Variants in PCDHGA3 observed in about 807,000 individuals in gnomAD.
PCDHGA3 encodes protocadherin gamma-A3.
PCDHGA3 carries 40 observed loss-of-function variants against 58.5 expected under a neutral mutation model. The observed-to-expected ratio is 0.68, with a 90% CI of 0.53 to 0.89. The LOEUF is 0.89. PCDHGA3 is among the 40% of genes least tolerant of loss of function. The pLI is 0.00. For missense variants in PCDHGA3, 1,223 were observed against 1,195.9 expected, an observed-to-expected ratio of 1.02 and a Z score of -0.33; for synonymous variants, 530 against 525.7, an observed-to-expected ratio of 1.01 and a Z score of -0.11.
intron 1 of PCDHGA3, among the ~76,000 whole-genome samples, chr5:141,465,779 G>GT (rs879859429): frequency 0.017 from 2,504 of 144,598 alleles, 23 homozygotes; most frequent in Non-Finnish European, 0.024. Flanking sequence ...TCTTGTTACA[G>GT]TTTTTTTTTT....
chr5:141,361,451 C>T (rs1762026624), intron 1 of PCDHGA3: 1 of 1,614,034 alleles, frequency 6.2e-7, no homozygotes, highest in Non-Finnish European at 8.5e-7. Flanking sequence ...ATAATTGTCA[C>T]CCTGCACATC....
intron 1 of PCDHGA3, chr5:141,400,265 G>T (rs2093992954): frequency 6.2e-7 from 1 of 1,613,876 alleles, no homozygotes. Context: ...CGCCTGCGAC[G>T]CTCCTCCAGC....
chr5:141,393,137 C>T (rs777446564), intron 1 of PCDHGA3: 14 of 1,613,286 alleles, frequency 8.7e-6, no homozygotes, highest in South Asian at 2.2e-5. Context: ...ATATTAACAC[C>T]CTGGTTGAGG....
chr5:141,421,991 A>T, intron 1 of PCDHGA3: 1 of 1,608,656 alleles, frequency 6.2e-7, no homozygotes, highest in Non-Finnish European at 8.5e-7. Context: ...GTTCCAGAAA[A>T]CATCAGCTCC....
intron 1 of PCDHGA3, chr5:141,354,992 G>A: frequency 1.5e-6 from 1 of 650,704 alleles, no homozygotes; most frequent in Non-Finnish European, 2.4e-6. Flanking sequence ...TCACCAATCA[G>A]GGGGAAAAGA....
At chr5:141,408,500 A>G in intron 1 of PCDHGA3, 1 of 1,614,018 alleles carries the variant, frequency 6.2e-7, no homozygotes, top group Non-Finnish European at 8.5e-7. Context: ...CAAAGAGAGA[A>G]GAAGATGTGA....
rs1284287216 is a variant in PCDHGA3 at position 141,398,423 on chromosome 5, A to C, written c.2424+51966A>C. On this transcript the variant is annotated intron_variant, in intron 1 of 3. Transcript: ENST00000253812. ...GACAGGGAGGAGATATGCGGGAAGA[A>C]GCCAGCTTGTGCTCTGGAATTTGAG... 2.0e-6 allele frequency: 3 copies of C among 1,514,696 alleles called. No individual in the cohort carries two copies. In the South Asian group the frequency reaches 3.4e-5, roughly 17 times the overall value. The allele number at this position is 1,514,696 out of a possible 1,614,324, so 93.8% of individuals were successfully genotyped here.
In PCDHGA3 at chr5:141,476,824, C is replaced by A; in HGVS notation, c.2425-17983C>A. On this transcript the variant is annotated intron_variant, in intron 1 of 3. Coordinates refer to ENST00000253812, the MANE Select transcript of PCDHGA3 (RefSeq NM_018916.4). This position sits in a 1 kb window ranked among gnomAD's most constrained non-coding sequence, Gnocchi z 7.6. Reference sequence around the variant, plus strand: ...TGCCTATTCACATCAAGGTGCTGGACGCGAATGACAATGCGCCTGTCTTCA... The same window carrying A: ...TGCCTATTCACATCAAGGTGCTGGAAGCGAATGACAATGCGCCTGTCTTCA... The A allele has an allele frequency of 1.2e-6, 2 of 1,613,588 alleles. No individual in the cohort carries two copies. The highest frequency in any genetic ancestry group is 1.7e-6 in the Non-Finnish European group (2 of 1,180,036).
chr5:141,442,675 G>A (rs1381554808), intron 1 of PCDHGA3, among the ~76,000 whole-genome samples: 1 of 152,248 alleles, frequency 6.6e-6, no homozygotes, highest in Admixed American at 6.5e-5. Context: ...GTGAGCTTGA[G>A]GGACAGTAGT....
In PCDHGA3 at chr5:141,404,896, C is replaced by T. The variant is rs182502698; in HGVS notation, c.2424+58439C>T. ...AGAGCCTTGTGGTGGCTGTACAGGA[C>T]CATGGCCAGCCCCCTCTCTCGGCCA... On this transcript the variant is annotated intron_variant, in intron 1 of 3. Transcript: ENST00000253812. The T allele has an allele frequency of 3.7e-5, 59 of 1,613,884 alleles. No homozygotes were observed. The Admixed American group carries it at 8.3e-4, about 23-fold the overall frequency.
chr5:141,409,952 C>A (rs892751686), intron 1 of PCDHGA3: 2 of 1,613,350 alleles, frequency 1.2e-6, no homozygotes, highest in Non-Finnish European at 1.7e-6. Context: ...CTCTGCAGAG[C>A]CCGGCTACCT....
At chr5:141,439,496 G>A (rs1166315364) in intron 1 of PCDHGA3, among the ~76,000 whole-genome samples, 2 of 152,152 alleles carry the variant, frequency 1.3e-5, no homozygotes, top group Non-Finnish European at 2.9e-5. Context: ...AGTGAGAAAC[G>A]TCTTTCTCTC....
chr5:141,415,126 C>T, intron 1 of PCDHGA3: 1 of 1,613,688 alleles, frequency 6.2e-7, no homozygotes, highest in Non-Finnish European at 8.5e-7. Context: ...AGTGGCCGTC[C>T]AGGACCACGG....
At chr5:141,366,349 T>C in intron 1 of PCDHGA3, 1 of 1,613,938 alleles carries the variant, frequency 6.2e-7, no homozygotes, top group Non-Finnish European at 8.5e-7. Context: ...ACATCCTGGC[T>C]GACCTAGGCA....
intron 1 of PCDHGA3, chr5:141,421,253 A>G: frequency 6.2e-7 from 1 of 1,607,298 alleles, no homozygotes; most frequent in South Asian, 1.1e-5. Context: ...CAGCGCGGGG[A>G]CCGCAGTCGG....
chr5:141,475,013 G>C (rs950376592), intron 1 of PCDHGA3, among the ~76,000 whole-genome samples: 1 of 152,176 alleles, frequency 6.6e-6, no homozygotes, highest in Non-Finnish European at 1.5e-5. Flanking sequence ...AAAAGTTAAG[G>C]CTCTTTATTC....
chr5:141,429,638 A>G (rs2097231013), intron 1 of PCDHGA3, among the ~76,000 whole-genome samples: 1 of 152,238 alleles, frequency 6.6e-6, no homozygotes, highest in African/African-American at 2.4e-5. Flanking sequence ...ACAGCTACCT[A>G]TATATTTCTT....
At chr5:141,410,235 G>T (rs753193390) in intron 1 of PCDHGA3, 1 of 1,613,852 alleles carries the variant, frequency 6.2e-7, no homozygotes, top group Non-Finnish European at 8.5e-7. Context: ...CTCAGCGACC[G>T]CCCTGTACTC....
rs1196201183 is a variant in PCDHGA3, at chr5:141,490,944, G to A, written c.2425-3863G>A. ...ATGCCCCAGCTGTGCTGCACCCACG[G>A]CCAGACTGGGAACACTCAGCCCCCC... On this transcript the variant is annotated intron_variant, in intron 1 of 3. Transcript: ENST00000253812. This position sits in a 1 kb window ranked among gnomAD's most constrained non-coding sequence, Gnocchi z 5.4. 6.2e-7 allele frequency: 1 copy of A among 1,613,488 alleles called. No individual in the cohort carries two copies. The highest frequency in any genetic ancestry group is 1.3e-5 in the African/African-American group (1 of 74,906).
Sources: gnomAD v4.1 joint callset for allele counts (sites outside exome capture counted in the v4.1 genomes callset) on GRCh38, gnomAD v4.1.1 for gene constraint, Gnocchi (gnomAD v3.1) non-coding constraint, MANE v1.5 for transcripts, NCBI Gene and HGNC (gene_info 2026-07-23, HGNC 2026-07-21) for gene names.